Variants in CACNA1I observed in about 807,000 individuals in gnomAD.
The protein encoded by CACNA1I is calcium voltage-gated channel subunit alpha1 I.
Under a neutral mutation model 201.6 loss-of-function variants are expected in CACNA1I, and 74 were observed. The ratio of observed to expected loss-of-function variants is 0.37; its 90% CI spans 0.30 to 0.45. CACNA1I has a LOEUF of 0.45. Ranked by LOEUF, CACNA1I falls within the 20% of genes least tolerant of loss-of-function variation. The pLI is 1.00. For missense variants in CACNA1I, 2,346 were observed against 3,138.1 expected, an observed-to-expected ratio of 0.75 and a Z score of 6.03; for synonymous variants, 1,431 against 1,345.2, an observed-to-expected ratio of 1.06 and a Z score of -1.40.
chr22:39,634,839 A>G, intron 5 of CACNA1I, 115 bp downstream of exon 5: 1 of 965,830 alleles, frequency 1.0e-6, no homozygotes, highest in East Asian at 2.5e-5. Flanking sequence ...AAAAAAAGAG[A>G]GGTCAGGTAG....
intron 1 of CACNA1I, among the ~76,000 whole-genome samples, chr22:39,580,165 G>C (rs572998990): frequency 1.1e-4 from 17 of 152,334 alleles, no homozygotes; most frequent in African/African-American, 2.6e-4. Flanking sequence ...CTCTTTAGAG[G>C]GGGAGGTGTC....
At chr22:39,652,378 C>A (rs892605430) in intron 10 of CACNA1I, among the ~76,000 whole-genome samples, 1 of 152,308 alleles carries the variant, frequency 6.6e-6, no homozygotes, top group South Asian at 2.1e-4. Context: ...TCCCACTGTG[C>A]GTCTCCTGCC....
At chr22:39,583,990 A>T (rs1300506535) in intron 1 of CACNA1I, among the ~76,000 whole-genome samples, 2 of 152,148 alleles carry the variant, frequency 1.3e-5, no homozygotes, top group African/African-American at 4.8e-5. Flanking sequence ...CTGGAGGGAG[A>T]CCAAGAGTGC....
At chr22:39,621,185 G>T (rs577316685) in intron 4 of CACNA1I, among the ~76,000 whole-genome samples, 1 of 152,334 alleles carries the variant, frequency 6.6e-6, no homozygotes, top group Non-Finnish European at 1.5e-5. Context: ...CAATTCAGCG[G>T]CAGAGCTGGA....
In CACNA1I at chr22:39,629,850, T is replaced by C. The variant is rs1459476996; in HGVS notation, c.581-4715T>C. 3.9e-5 allele frequency among the ~76,000 whole-genome samples: 6 copies of C among 152,032 alleles called. No homozygotes were observed. Among genetic ancestry groups the C allele is most frequent in the Admixed American group, 3.3e-4 (5 of 15,276 alleles). The stretch of plus-strand genomic sequence containing the variant: ...CCTGCAGACTGTGCGGCTGATGCTC[T>C]CTCTCCTCTGCCCTGGCCCCCCGCG... On this transcript the variant is annotated intron_variant, in intron 4 of 36. Transcript: ENST00000402142. The surrounding 1 kb of genome is among the most constrained non-coding windows in gnomAD (Gnocchi z 4.8).
chr22:39,687,085 CA>C lies in CACNA1I; in HGVS notation c.*681del, dbSNP rs1935909618. The C allele has an allele frequency of 6.6e-6, 1 of 152,172 alleles. No individual in the cohort carries two copies. Among genetic ancestry groups the C allele is most frequent in the Non-Finnish European group, 1.5e-5 (1 of 68,028 alleles). 9.4% of individuals were successfully genotyped at this position (152,172 alleles called of 1,614,324 possible). Reference sequence around the variant, plus strand: ...CCAGAGCACACACATCCCCTTAGTCCACCGGTTAGATGTCTCTCTTTAGAAA... The same window carrying C: ...CCAGAGCACACACATCCCCTTAGTCCCCGGTTAGATGTCTCTCTTTAGAAA... On this transcript the variant is annotated 3_prime_UTR_variant, in exon 37 of 37. Coordinates refer to ENST00000402142, the MANE Select transcript of CACNA1I (RefSeq NM_021096.4).
At chr22:39,637,573 A>G (rs1378968487) in intron 5 of CACNA1I, among the ~76,000 whole-genome samples, 3 of 152,222 alleles carry the variant, frequency 2.0e-5, no homozygotes, top group African/African-American at 7.2e-5. Context: ...GATGTGTACA[A>G]GAATATTTAT....
At chr22:39,654,735 C>T (rs1193877056) in intron 10 of CACNA1I, among the ~76,000 whole-genome samples, 5 of 151,994 alleles carry the variant, frequency 3.3e-5, no homozygotes, top group Admixed American at 6.6e-5. Flanking sequence ...GGACGGATCC[C>T]GAAGGATGAC....
chr22:39,656,853 G>T (rs1451707700), intron 10 of CACNA1I: 12 of 488,126 alleles, frequency 2.5e-5, no homozygotes, highest in South Asian at 1.8e-4. Flanking sequence ...TGTGTTGGGC[G>T]TCAAATCAGG....
Position 39,598,246 on chromosome 22 carries a change from G to C in CACNA1I, c.332G>C (p.Arg111Pro). The part of the protein sequence containing the change: ...PCDDMDCLSD[R>P]CKILQVFDDF... ...GACGACATGGACTGCCTGTCCGACCGCTGCAAGATCCTGCAGGTGAGCCGG... is the reference window on the plus strand; with the variant it reads ...GACGACATGGACTGCCTGTCCGACCCCTGCAAGATCCTGCAGGTGAGCCGG... Residue 111 changes from arginine to proline, a missense_variant, in exon 2 of 37, where the codon CGC becomes CCC. Around this residue, in one of 13 missense-constraint regions of CACNA1I, gnomAD observed 130 missense variants for 160.7 expected, o/e 0.81. Transcript: ENST00000402142. 1 of 1,595,870 alleles carries C rather than the reference G, an allele frequency of 6.3e-7. No individual in the cohort carries two copies. The highest frequency in any genetic ancestry group is 8.5e-7 in the Non-Finnish European group (1 of 1,171,734).
At chr22:39,664,194 C>A (rs751954419) in intron 20 of CACNA1I, 35 bp downstream of exon 20, 2 of 1,576,562 alleles carry the variant, frequency 1.3e-6, no homozygotes, top group African/African-American at 2.7e-5. Context: ...CCCTGCTAGC[C>A]CCAGCTCGGG....
chr22:39,600,480 C>T (rs374372287), intron 2 of CACNA1I, 40 bp from the exon 3 acceptor site: 48 of 1,583,044 alleles, frequency 3.0e-5, no homozygotes, highest in Admixed American at 2.4e-4. Context: ...TGCTCTGCAA[C>T]CTCACCCTGT....
chr22:39,601,289 A>G (rs1306726462), intron 3 of CACNA1I, among the ~76,000 whole-genome samples: 7 of 152,210 alleles, frequency 4.6e-5, no homozygotes, highest in Non-Finnish European at 7.3e-5. Flanking sequence ...AGCCAGACAC[A>G]GGCCTTGTCC....
At chr22:39,583,064 C>A (rs1182402406) in intron 1 of CACNA1I, among the ~76,000 whole-genome samples, 1 of 150,252 alleles carries the variant, frequency 6.7e-6, no homozygotes, top group Admixed American at 6.6e-5. Context: ...ATCCATCCAT[C>A]CATCCATCCA....
rs894686048 is a variant in CACNA1I, at chr22:39,689,484, C to G, written c.*3079C>G. On this transcript the variant is annotated 3_prime_UTR_variant, in exon 37 of 37. Coordinates refer to ENST00000402142, the MANE Select transcript of CACNA1I (RefSeq NM_021096.4). ...TGTCTTTGTGCAATAATCAGTGTTC[C>G]TGGCAGAGCCTGGGCCAAGCTGCAG... 6.5e-6 allele frequency: 1 copy of G among 152,778 alleles called. No homozygotes were observed. Among genetic ancestry groups the G allele is most frequent in the Non-Finnish European group, 1.5e-5 (1 of 68,120 alleles). 9.5% of individuals were successfully genotyped at this position (152,778 alleles called of 1,614,324 possible). A position where few individuals can be genotyped will look rare whatever the true frequency, so the allele number is the denominator to read the frequency against.
At chr22:39,656,730 C>T (rs1934835945) in intron 10 of CACNA1I, 1 of 518,956 alleles carries the variant, frequency 1.9e-6, no homozygotes, top group Admixed American at 1.9e-5. Context: ...CAGCTTGGTT[C>T]AGTGCCCTGC....
At chr22:39,655,479 ATCTG>A (rs1479544341) in intron 10 of CACNA1I, among the ~76,000 whole-genome samples, 3 of 152,116 alleles carry the variant, frequency 2.0e-5, no homozygotes, top group Non-Finnish European at 4.4e-5. Context: ...GCTTTCTGCC[ATCTG>A]TCTGTCTGTC....
chr22:39,662,307 T>G lies in CACNA1I; in HGVS notation c.3244T>G (p.Trp1082Gly), dbSNP rs1351917515. ...GGTGGGCGCCCACCCCCGGGCCGCC[T>G]GGAGGGCGGCAGGCCCGGCCCCCGG... ...PAVGAHPRAA[W>G]RAAGPAPGHE... Residue 1082 changes from tryptophan (W) to glycine (G), a missense_variant, in exon 17 of 37, where the codon TGG (tryptophan) becomes GGG (glycine). By Grantham distance (184) the Trp-to-Gly change is radical (BLOSUM62 -2). Around this residue, in one of 13 missense-constraint regions of CACNA1I, gnomAD observed 288 missense variants for 255.2 expected, o/e 1.13. Coordinates refer to ENST00000402142, the MANE Select transcript of CACNA1I (RefSeq NM_021096.4). 6.7e-7 allele frequency: 1 copy of G among 1,486,922 alleles called. No individual in the cohort carries two copies. The highest frequency in any genetic ancestry group is 8.9e-7 in the Non-Finnish European group (1 of 1,126,276). 92.1% of individuals were successfully genotyped at this position (1,486,922 alleles called of 1,614,324 possible).
At chr22:39,634,264 T>G (rs1569072571) in intron 4 of CACNA1I, among the ~76,000 whole-genome samples, 1 of 152,146 alleles carries the variant, frequency 6.6e-6, no homozygotes, top group Non-Finnish European at 1.5e-5. Flanking sequence ...AAGATCACAT[T>G]TGTGCAAGTA....
Sources: gnomAD v4.1 joint callset for allele counts (sites outside exome capture counted in the v4.1 genomes callset) on GRCh38, gnomAD v4.1.1 for gene constraint, gnomAD v4.1.1 regional missense constraint, Gnocchi (gnomAD v3.1) non-coding constraint, MANE v1.5 for transcripts, NCBI Gene and HGNC (gene_info 2026-07-23, HGNC 2026-07-21) for gene names.